The following CAB39L variants were observed in gnomAD, a reference collection of about 807,000 sequenced individuals.
CAB39L encodes the protein calcium binding protein 39 like, also known as calcium-binding protein 39-like.
In CAB39L, 23 loss-of-function variants were observed where a neutral mutation model predicts 39.1. That is an observed-to-expected ratio of 0.59 (90% CI 0.42 to 0.83). CAB39L has a LOEUF of 0.83. Ranked by LOEUF, CAB39L falls within the 40% of genes least tolerant of loss-of-function variation. The probability of loss-of-function intolerance (pLI) is 0.00; values close to 1 mark genes in which losing one functional copy is unlikely to be tolerated. For missense variants in CAB39L, 366 were observed against 391.9 expected (o/e 0.93, Z 0.56); for synonymous variants, 126 against 137.2 (o/e 0.92, Z 0.57).
chr13:49,369,478 T>A (rs74072537), intron 5 of CAB39L, among the ~76,000 whole-genome samples: 3,938 of 152,320 alleles, frequency 0.026, 155 homozygotes, highest in African/African-American at 0.083. Context: ...ATATATATGA[T>A]TCTGTTTACC....
At chr13:49,382,988 T>G in intron 3 of CAB39L, 47 bp from the exon 4 acceptor site, 1 of 753,090 alleles carries the variant, frequency 1.3e-6, no homozygotes, top group East Asian at 2.7e-5. Flanking sequence ...ACTCTTAATA[T>G]GCTTAAATTT....
intron 4 of CAB39L, among the ~76,000 whole-genome samples, chr13:49,381,870 TTTATAAC>T (rs1956259461): frequency 6.6e-6 from 1 of 152,150 alleles, no homozygotes; most frequent in Non-Finnish European, 1.5e-5. Flanking sequence ...ACCTCTAGAG[TTTATAAC>T]TAGGAGTGGC....
At chr13:49,314,282 TG>T (rs1444025617) in intron 10 of CAB39L, among the ~76,000 whole-genome samples, 2 of 152,072 alleles carry the variant, frequency 1.3e-5, no homozygotes, top group African/African-American at 4.8e-5. Context: ...AGCAAAGTTT[TG>T]TTATCTAGAA....
At chr13:49,325,948 G>C (rs1361264810) in intron 10 of CAB39L, among the ~76,000 whole-genome samples, 1 of 152,130 alleles carries the variant, frequency 6.6e-6, no homozygotes, top group Non-Finnish European at 1.5e-5. Flanking sequence ...TTTTTTGGCT[G>C]AACTGTCAAG....
At chr13:49,417,349 T>G (rs1338425064) in intron 3 of CAB39L, among the ~76,000 whole-genome samples, 1 of 152,200 alleles carries the variant, frequency 6.6e-6, no homozygotes, top group East Asian at 1.9e-4. Context: ...TCTGCCTACT[T>G]GCAGTCTGCC....
Position 49,344,233 on chromosome 13 carries a change from T to A in CAB39L, c.570A>T (p.Leu190Phe). 6.3e-7 allele frequency: 1 copy of A among 1,587,768 alleles called. No homozygotes were observed. The highest frequency in any genetic ancestry group is 8.6e-7 in the Non-Finnish European group (1 of 1,157,114). The part of the protein sequence containing the change: ...ASDAFATFKD[L>F]LTRHKVLVAD... The stretch of plus-strand genomic sequence containing the variant: ...CTACCAACACTTTATGTCTGGTTAG[T>A]AAATCCTAGAAAAAGAAAAACCAAG... The change falls in exon 8 of 11, where the codon TTA (leucine) becomes TTT (phenylalanine). Residue 190 changes from leucine to phenylalanine, a missense_variant. By Grantham distance (22) the Leu-to-Phe change is conservative. Transcript: ENST00000409308.
Position 49,390,888 on chromosome 13 carries a change from T to C in CAB39L, c.-31-7947A>G, listed in dbSNP as rs1379257212. On this transcript the variant is annotated intron_variant, in intron 3 of 10. Transcript: ENST00000409308. The stretch of plus-strand genomic sequence containing the variant: ...GGTAGAGCTGGAGAGCCAATATTGA[T>C]TGAATATAAATGCTTAAAGGAAAAG... 2.0e-5 allele frequency among the ~76,000 whole-genome samples: 3 copies of C among 149,772 alleles called. No homozygotes were observed. The East Asian group carries it at 5.8e-4, about 29-fold the overall frequency.
chr13:49,436,553 C>CTTTTTTTTTTTTTTTTTTTTTTTTTTTT (rs57141770), intron 1 of CAB39L, among the ~76,000 whole-genome samples: 1 of 73,428 alleles, frequency 1.4e-5, no homozygotes, highest in Non-Finnish European at 2.3e-5. Context: ...TTCTTTATGA[C>CTTTTTTTTTTTTTTTTTTTTTTTTTTTT]TTTTTTTTTT....
Position 49,310,908 on chromosome 13 carries a change from C to A in CAB39L, c.920G>T (p.Ser307Ile). Residue 307 changes from serine to isoleucine, a missense_variant, in exon 11 of 11, where the codon AGC becomes ATC. Ser to Ile is a moderately radical substitution (Grantham distance 142, BLOSUM62 -2). Transcript: ENST00000409308. ...ATCATCCGTCCTTTCTTTTTGGAAG[C>A]TGCTCAGAAACTCAATGAGTTTGGG... is the stretch of plus-strand genomic sequence containing the variant. ...NQPKLIEFLS[S>I]FQKERTDDEQ... The A allele has an allele frequency of 6.2e-7, 1 of 1,614,180 alleles. No individual in the cohort carries two copies.
intron 1 of CAB39L, among the ~76,000 whole-genome samples, chr13:49,439,828 T>A (rs1345238943): frequency 6.6e-6 from 1 of 152,140 alleles, no homozygotes; most frequent in Non-Finnish European, 1.5e-5. Flanking sequence ...ATTTCTCTGA[T>A]GATTAGTGAT....
intron 5 of CAB39L, among the ~76,000 whole-genome samples, chr13:49,374,067 C>T (rs1463318468): frequency 6.6e-6 from 1 of 152,214 alleles, no homozygotes; most frequent in Non-Finnish European, 1.5e-5. Context: ...ACTTTCACTC[C>T]TTTTCATTCA....
chr13:49,371,189 C>CCTT (rs1555258807), intron 5 of CAB39L, among the ~76,000 whole-genome samples: 27 of 102,198 alleles, frequency 2.6e-4, no homozygotes, highest in African/African-American at 3.1e-4. Context: ...CTTTTTCTTT[C>CCTT]TTTTTTTTTT....
chr13:49,312,144 C>G (rs575322647), intron 10 of CAB39L, among the ~76,000 whole-genome samples: 2 of 152,250 alleles, frequency 1.3e-5, no homozygotes, highest in Non-Finnish European at 2.9e-5. Context: ...ATCCTTCCAC[C>G]TTGGCCTCCC....
chr13:49,329,210 C>G (rs980773753), intron 10 of CAB39L, among the ~76,000 whole-genome samples: 19 of 152,188 alleles, frequency 1.2e-4, no homozygotes, highest in Non-Finnish European at 2.5e-4. Context: ...AAATCCATAA[C>G]AAGTCTTAAT....
At chr13:49,409,838 G>A (rs1431821257) in intron 3 of CAB39L, among the ~76,000 whole-genome samples, 1 of 151,480 alleles carries the variant, frequency 6.6e-6, no homozygotes, top group Non-Finnish European at 1.5e-5. Context: ...CAGTCTGGCA[G>A]GAAGTAGGAG....
At chr13:49,315,454 A>G (rs1258286066) in intron 10 of CAB39L, among the ~76,000 whole-genome samples, 3 of 152,128 alleles carry the variant, frequency 2.0e-5, no homozygotes, top group East Asian at 3.8e-4. Flanking sequence ...GAAACAACCA[A>G]TGGGAAATAG....
intron 3 of CAB39L, among the ~76,000 whole-genome samples, chr13:49,422,650 T>C (rs138268313): frequency 5.9e-5 from 9 of 151,852 alleles, no homozygotes; most frequent in African/African-American, 2.2e-4. Flanking sequence ...AGTCTCACTA[T>C]GTCCCCCAGG....
At chr13:49,314,051 A>T (rs551326130) in intron 10 of CAB39L, among the ~76,000 whole-genome samples, 35 of 152,292 alleles carry the variant, frequency 2.3e-4, no homozygotes, top group Admixed American at 2.2e-3. Context: ...GGGCGGCATG[A>T]GAGCTAGTCC....
At chr13:49,439,037 C>G (rs74413409) in intron 1 of CAB39L, among the ~76,000 whole-genome samples, 3 of 152,202 alleles carry the variant, frequency 2.0e-5, no homozygotes, top group East Asian at 1.9e-4. Flanking sequence ...TATTCTGGCT[C>G]TCTTTGCCTG....
Sources: allele counts gnomAD v4.1 joint callset (sites outside exome capture counted in the v4.1 genomes callset), GRCh38; gene constraint gnomAD v4.1.1; transcripts MANE v1.5; gene names NCBI Gene and HGNC (gene_info 2026-07-23, HGNC 2026-07-21).